The following CPPED1 variants were observed in gnomAD, a reference collection of about 807,000 sequenced individuals.
The protein encoded by CPPED1 is serine/threonine-protein phosphatase CPPED1.
A neutral mutation model predicts 28.0 loss-of-function variants in CPPED1; 28 were observed. The observed-to-expected ratio is 1.00, with a 90% confidence interval of 0.74 to 1.37. The LOEUF (loss-of-function observed/expected upper bound fraction) is 1.37. Among genes scored for constraint, CPPED1 ranks in the 40% most tolerant of loss-of-function variants. The pLI is 0.00. For missense variants in CPPED1, 504 were observed against 416.5 expected, an observed-to-expected ratio of 1.21 and a Z score of -1.83; for synonymous variants, 198 against 180.2, an observed-to-expected ratio of 1.10 and a Z score of -0.79.
intron 2 of CPPED1, among the ~76,000 whole-genome samples, chr16:12,745,679 G>T (rs1272496250): frequency 6.6e-6 from 1 of 152,226 alleles, no homozygotes; most frequent in Non-Finnish European, 1.5e-5. Context: ...CTTAAGGCGG[G>T]AGGGTGGGAG....
chr16:12,784,705 T>C (rs956456434), intron 1 of CPPED1, among the ~76,000 whole-genome samples: 3 of 152,240 alleles, frequency 2.0e-5, no homozygotes, highest in Admixed American at 6.5e-5. Flanking sequence ...GCTGGATGAA[T>C]TAATCAGAAC....
intron 3 of CPPED1, among the ~76,000 whole-genome samples, chr16:12,685,149 G>C (rs2079926230): frequency 1.3e-5 from 2 of 152,192 alleles, no homozygotes; most frequent in Non-Finnish European, 2.9e-5. Context: ...TTTTAAAAAG[G>C]GGACAATAAT....
At chr16:12,799,669 T>G (rs1215209733) in intron 1 of CPPED1, among the ~76,000 whole-genome samples, 1 of 152,214 alleles carries the variant, frequency 6.6e-6, no homozygotes, top group Non-Finnish European at 1.5e-5. Context: ...GCGATGCTAA[T>G]AGAGTCAGGA....
At chr16:12,684,596 T>G (rs1328576460) in intron 3 of CPPED1, among the ~76,000 whole-genome samples, 1 of 152,182 alleles carries the variant, frequency 6.6e-6, no homozygotes, top group African/African-American at 2.4e-5. Flanking sequence ...CCCTGCTCAT[T>G]CGTTTCCTCC....
intron 3 of CPPED1, among the ~76,000 whole-genome samples, chr16:12,676,601 T>C (rs2079878995): frequency 6.6e-6 from 1 of 152,088 alleles, no homozygotes; most frequent in South Asian, 2.1e-4. Context: ...CTGTCCACCA[T>C]CTGAGAGGTG....
At chr16:12,732,183 G>A (rs900264472) in intron 2 of CPPED1, among the ~76,000 whole-genome samples, 1 of 149,064 alleles carries the variant, frequency 6.7e-6, no homozygotes, top group Non-Finnish European at 1.5e-5. Context: ...AGACAGAGAA[G>A]ATACTGCATT....
chr16:12,682,012 T>A lies in CPPED1; in HGVS notation c.716-16897A>T, dbSNP rs942497832. On this transcript the variant is annotated intron_variant, in intron 3 of 3. Coordinates refer to ENST00000381774, the MANE Select transcript of CPPED1 (RefSeq NM_018340.3). The surrounding 1 kb of genome is among the most constrained non-coding windows in gnomAD (Gnocchi z 6.1). ...TCCTGGACTCGAGGATTAGTTATGC[T>A]CCTCCAACCCCCAGACTCACTGCCG... 3.3e-5 allele frequency among the ~76,000 whole-genome samples: 5 copies of A among 151,920 alleles called. No homozygotes were observed. Among genetic ancestry groups the A allele is most frequent in the Admixed American group, 6.6e-5 (1 of 15,246 alleles).
At chr16:12,742,626 G>GA (rs34239363) in intron 2 of CPPED1, among the ~76,000 whole-genome samples, 79,871 of 151,880 alleles carry the variant, frequency 0.53, 21,483 homozygotes, top group Admixed American at 0.62. Context: ...ACCCTGCACT[G>GA]AAAAATCAGG....
At chr16:12,725,530 A>G (rs1313711672) in intron 2 of CPPED1, among the ~76,000 whole-genome samples, 1 of 152,116 alleles carries the variant, frequency 6.6e-6, no homozygotes, top group Non-Finnish European at 1.5e-5. Flanking sequence ...CCATTTACGG[A>G]TGAGAAAACT....
chr16:12,767,940 T>C (rs547358587), intron 2 of CPPED1, among the ~76,000 whole-genome samples: 2 of 152,130 alleles, frequency 1.3e-5, no homozygotes, highest in East Asian at 1.9e-4. Flanking sequence ...GAGCGACAAA[T>C]TGGGACTCTG....
At chr16:12,759,909 C>T (rs1009562863) in intron 2 of CPPED1, among the ~76,000 whole-genome samples, 1 of 152,166 alleles carries the variant, frequency 6.6e-6, no homozygotes, top group African/African-American at 2.4e-5. Context: ...AATACTGGGG[C>T]AAACTCTCCA....
At chr16:12,752,387 C>G (rs932283027) in intron 2 of CPPED1, among the ~76,000 whole-genome samples, 22 of 151,880 alleles carry the variant, frequency 1.4e-4, no homozygotes, top group African/African-American at 4.8e-4. Flanking sequence ...CTCTACCACA[C>G]GAAATATGGA....
rs1031867320 is a variant in CPPED1, at chr16:12,664,267, T to C, written c.*619A>G. ...TTTTCTAGGCACCCAGGAAGGCAAA[T>C]TTAAGCTCCGAGCTGTATCAACTGC... On this transcript the variant is annotated 3_prime_UTR_variant, in exon 4 of 4. Transcript: ENST00000381774. The surrounding 1 kb of genome is among the most constrained non-coding windows in gnomAD (Gnocchi z 4.2). The C allele has an allele frequency of 2.3e-4, 180 of 780,232 alleles. No homozygotes were observed. Among genetic ancestry groups the C allele is most frequent in the Non-Finnish European group, 2.7e-4 (172 of 642,480 alleles). The allele number at this position is 780,232 out of a possible 1,614,324, so 48.3% of individuals were successfully genotyped here.
intron 3 of CPPED1, among the ~76,000 whole-genome samples, chr16:12,685,148 G>C (rs1010648587): frequency 6.6e-6 from 1 of 152,162 alleles, no homozygotes. Flanking sequence ...ATTTTAAAAA[G>C]GGGACAATAA....
intron 3 of CPPED1, among the ~76,000 whole-genome samples, chr16:12,696,438 CTTTTT>C (rs1180336228): frequency 1.7e-5 from 2 of 120,734 alleles, no homozygotes; most frequent in Non-Finnish European, 1.7e-5. Context: ...AAGTGACTTT[CTTTTT>C]TTTTTTTTTT....
At chr16:12,780,534 A>G (rs780915309) in intron 2 of CPPED1, among the ~76,000 whole-genome samples, 1 of 152,126 alleles carries the variant, frequency 6.6e-6, no homozygotes, top group Non-Finnish European at 1.5e-5. Context: ...GGTTTCTGAC[A>G]AAAGGATACA....
intron 2 of CPPED1, among the ~76,000 whole-genome samples, chr16:12,751,257 A>G (rs1244083981): frequency 1.3e-5 from 2 of 152,206 alleles, no homozygotes; most frequent in Non-Finnish European, 2.9e-5. Flanking sequence ...TGTTGGCAGC[A>G]AGTGTTCCAG....
At chr16:12,731,435 A>C (rs2080196975) in intron 2 of CPPED1, among the ~76,000 whole-genome samples, 1 of 151,686 alleles carries the variant, frequency 6.6e-6, no homozygotes, top group Non-Finnish European at 1.5e-5. Flanking sequence ...CTGCTGGGGC[A>C]TGGGTCCCCC....
chr16:12,662,545 C>A lies in CPPED1; in HGVS notation c.*2341G>T, dbSNP rs1336444790. ...TTCTCATCCCTTACCCTCCTCCCAC[C>A]CTTCTGAGTCTCCAATGTTTGTTCC... On this transcript the variant is annotated 3_prime_UTR_variant, in exon 4 of 4. Transcript: ENST00000381774. 1.3e-5 allele frequency: 2 copies of A among 152,184 alleles called. No homozygotes were observed. The highest frequency in any genetic ancestry group is 2.4e-5 in the African/African-American group (1 of 41,438). 9.4% of individuals were successfully genotyped at this position (152,184 alleles called of 1,614,324 possible).
Sources: allele counts gnomAD v4.1 joint callset (sites outside exome capture counted in the v4.1 genomes callset), GRCh38; gene constraint gnomAD v4.1.1; non-coding constraint Gnocchi (gnomAD v3.1); transcripts MANE v1.5; gene names NCBI Gene and HGNC (gene_info 2026-07-23, HGNC 2026-07-21).